The following KANTR variants were observed in gnomAD, a reference collection of about 807,000 sequenced individuals.
KANTR encodes the protein KANTR integral membrane protein.
intron 1 of KANTR, chrX:53,094,678 C>G (rs1329181150): frequency 8.9e-6 from 1 of 111,800 alleles, no homozygotes; most frequent in East Asian, 2.8e-4. Flanking sequence ...TGAATCCTGA[C>G]CAGTTTAAAC....
At chrX:53,131,836 T>C (rs1472915309), downstream of KANTR, among the ~76,000 whole-genome samples, 1 of 112,096 alleles carries the variant, frequency 8.9e-6, no homozygotes, top group Non-Finnish European at 1.9e-5. Flanking sequence ...GAAGTAAAAC[T>C]GTATTTACAG....
chrX:53,141,290 T>C (rs1933498507), intron 2 of KANTR, among the ~76,000 whole-genome samples: 1 of 112,259 alleles, frequency 8.9e-6, no homozygotes, highest in African/African-American at 3.2e-5. Flanking sequence ...AGAGGGGCTG[T>C]GTGGGGGCTG....
chrX:53,100,777 A>C (rs1556811736), intron 2 of KANTR, among the ~76,000 whole-genome samples: 2 of 112,519 alleles, frequency 1.8e-5, no homozygotes, highest in African/African-American at 3.2e-5. Context: ...CAGCCTGGGC[A>C]ACAAGAGCAA....
intron 2 of KANTR, among the ~76,000 whole-genome samples, chrX:53,117,615 T>TCG (rs1933150581): frequency 1.4e-5 from 1 of 73,949 alleles, no homozygotes; most frequent in Non-Finnish European, 2.5e-5. Context: ...GTGTGTTTTT[T>TCG]TTTTTTTTTT....
At chrX:53,111,944 GTC>G (rs1157203637) in intron 2 of KANTR, among the ~76,000 whole-genome samples, 2 of 111,550 alleles carry the variant, frequency 1.8e-5, no homozygotes, top group African/African-American at 3.3e-5. Flanking sequence ...AAAGTCTCTT[GTC>G]TCTCCTTCAT....
At chrX:53,112,006 C>G (rs1212751926) in intron 2 of KANTR, among the ~76,000 whole-genome samples, 1 of 110,349 alleles carries the variant, frequency 9.1e-6, no homozygotes, top group African/African-American at 3.3e-5. Flanking sequence ...TTTTGGGGAA[C>G]AGGTGGTGGT....
At chrX:53,144,108 A>G (rs1933541173), downstream of KANTR, among the ~76,000 whole-genome samples, 2 of 112,295 alleles carry the variant, frequency 1.8e-5, no homozygotes, top group African/African-American at 6.5e-5. Context: ...ACTTAATTAA[A>G]TTGATTCCTT....
intron 2 of KANTR, among the ~76,000 whole-genome samples, chrX:53,114,029 A>C (rs1041606796): frequency 1.8e-5 from 2 of 110,248 alleles, no homozygotes; most frequent in African/African-American, 3.3e-5. Context: ...CTTCCAAGTA[A>C]CTGGGACCAC....
chrX:53,125,677 A>G (rs1442149413), exon 3 of KANTR: 1 of 111,365 alleles, frequency 9.0e-6, no homozygotes, highest in Non-Finnish European at 1.9e-5. Context: ...AACTCTAGTC[A>G]TTCCTCTCCT....
chrX:53,124,420 T>G (rs1422517778), exon 3 of KANTR: 1 of 295,291 alleles, frequency 3.4e-6, no homozygotes, highest in Non-Finnish European at 5.9e-6. Context: ...ATCTTTGTTT[T>G]CTATTTCTTT....
At chrX:53,096,322 C>T (rs1932844789) in intron 1 of KANTR, among the ~76,000 whole-genome samples, 1 of 112,404 alleles carries the variant, frequency 8.9e-6, no homozygotes, top group African/African-American at 3.2e-5. Flanking sequence ...ACCTAGTAGA[C>T]TTTCTCAATG....
downstream of KANTR, chrX:53,143,254 C>T (rs1194710763): frequency 2.1e-5 from 13 of 616,283 alleles, no homozygotes; most frequent in Admixed American, 4.6e-5. Context: ...ATCTCCTGCT[C>T]GAAGTCCAGG....
At chrX:53,106,609 C>A (rs1333735134) in intron 2 of KANTR, among the ~76,000 whole-genome samples, 1 of 108,850 alleles carries the variant, frequency 9.2e-6, no homozygotes, top group Non-Finnish European at 1.9e-5. Context: ...TGTGTATTGC[C>A]CATGCTGGTC....
At chrX:53,097,300 C>T (rs927913814) in intron 1 of KANTR, among the ~76,000 whole-genome samples, 1 of 107,153 alleles carries the variant, frequency 9.3e-6, no homozygotes, top group African/African-American at 3.4e-5. Flanking sequence ...CCTAGTTACC[C>T]TTTCCAGACA....
downstream of KANTR, chrX:53,143,082 G>A (rs1933526046): frequency 1.0e-5 from 12 of 1,200,200 alleles, no homozygotes; most frequent in Non-Finnish European, 9.0e-6. Flanking sequence ...TGATGGAGTT[G>A]AAGGTGGTCT....
downstream of KANTR, chrX:53,143,215 C>T (rs782607375): frequency 2.1e-5 from 14 of 678,838 alleles, no homozygotes; most frequent in Non-Finnish European, 3.1e-5. Flanking sequence ...TAGCTCTTCT[C>T]CAGGGAGGAG....
At chrX:53,137,515 G>A (rs908281995) in intron 2 of KANTR, among the ~76,000 whole-genome samples, 20 of 111,478 alleles carry the variant, frequency 1.8e-4, no homozygotes, top group African/African-American at 5.5e-4. Flanking sequence ...CTGTAATCCC[G>A]GCACTTTGGG....
exon 3 of KANTR, chrX:53,124,180 C>A: frequency 5.6e-4 from 148 of 265,677 alleles, no homozygotes; most frequent in East Asian, 5.8e-4. Context: ...GGTAAGATAA[C>A]AGTTTTCTAG....
At chrX:53,139,196 G>T (rs782764474) in intron 2 of KANTR, among the ~76,000 whole-genome samples, 1 of 100,105 alleles carries the variant, frequency 1.0e-5, no homozygotes, top group South Asian at 4.9e-4. Context: ...TCTCCAGCCT[G>T]GGTGACAGAG....
Sources: gnomAD v4.1 joint callset for allele counts (sites outside exome capture counted in the v4.1 genomes callset) on GRCh38, gnomAD v4.1.1 for gene constraint, MANE v1.5 for transcripts, NCBI Gene and HGNC (gene_info 2026-07-23, HGNC 2026-07-21) for gene names.